The following CERS6 variants were observed in gnomAD, a reference collection of about 807,000 sequenced individuals.
CERS6 encodes LAG1 homolog, ceramide synthase 6.
A neutral mutation model predicts 56.8 loss-of-function variants in CERS6; 26 were observed. That is an observed-to-expected ratio of 0.46 (90% CI 0.34 to 0.63). The LOEUF is 0.63. Among genes scored for constraint, CERS6 ranks in the 30% least tolerant of loss-of-function variants. The pLI, the probability that CERS6 is intolerant of heterozygous loss-of-function variation, is 0.01. For synonymous variants in CERS6, 164 were observed against 173.3 expected, an observed-to-expected ratio of 0.95 and a Z score of 0.42; for missense variants, 415 against 467.5, an observed-to-expected ratio of 0.89 and a Z score of 1.04.
chr2:168,635,957 C>G (rs1684851530), intron 4 of CERS6, among the ~76,000 whole-genome samples: 1 of 151,938 alleles, frequency 6.6e-6, no homozygotes, highest in Admixed American at 6.5e-5. Flanking sequence ...TTTTTTTTGC[C>G]TATTTTGAGA....
chr2:168,497,788 G>A (rs1200594135), intron 1 of CERS6, among the ~76,000 whole-genome samples: 1 of 152,176 alleles, frequency 6.6e-6, no homozygotes, highest in Non-Finnish European at 1.5e-5. Flanking sequence ...GAGCAATTGA[G>A]TGACATGAGC....
At position 168,563,703 on chromosome 2, in the gene CERS6, A is replaced by G. The variant is rs370341517; in HGVS notation, c.407+2381A>G. ...TCCCAGCTACTCGGGAGGCTGAGGC[A>G]GGAGAATGGCATGAACCCGGGAGGT... On this transcript the variant is annotated intron_variant, in intron 3 of 9. Coordinates refer to ENST00000305747, the MANE Select transcript of CERS6 (RefSeq NM_203463.3). Among the ~76,000 whole-genome samples the G allele has an allele frequency of 3.3e-4, 50 of 152,322 alleles. 1 individual carries two copies. The highest frequency in any genetic ancestry group is 1.1e-3 in the African/African-American group (46 of 41,574).
intron 4 of CERS6, among the ~76,000 whole-genome samples, chr2:168,637,586 A>G (rs1684891300): frequency 6.6e-6 from 1 of 152,218 alleles, no homozygotes; most frequent in African/African-American, 2.4e-5. Flanking sequence ...ATATTCACTA[A>G]ATGTATATGA....
At chr2:168,700,514 A>T (rs1014466862) in intron 6 of CERS6, among the ~76,000 whole-genome samples, 1 of 152,196 alleles carries the variant, frequency 6.6e-6, no homozygotes, top group Non-Finnish European at 1.5e-5. Context: ...CATAAAAGAA[A>T]GGGAGAAAGG....
chr2:168,696,269 C>T (rs1013658457), intron 6 of CERS6, among the ~76,000 whole-genome samples: 1 of 152,130 alleles, frequency 6.6e-6, no homozygotes, highest in Non-Finnish European at 1.5e-5. Flanking sequence ...TGTTCTTCTC[C>T]AGTAACCCTT....
chr2:168,530,601 G>A (rs777282749), intron 1 of CERS6, among the ~76,000 whole-genome samples: 1 of 152,176 alleles, frequency 6.6e-6, no homozygotes, highest in East Asian at 1.9e-4. Context: ...TGAATTTTAT[G>A]AGCTTCATCC....
In CERS6 at chr2:168,734,601, T is replaced by C. The variant is rs1237836151; in HGVS notation, c.845+16623T>C. Reference sequence around the variant, plus strand: ...ACATCAGCATGGCTGTATTTGGCCATCTATCAGTAGTCAACGGTTAATCAG... The same window carrying C: ...ACATCAGCATGGCTGTATTTGGCCACCTATCAGTAGTCAACGGTTAATCAG... On this transcript the variant is annotated intron_variant, in intron 8 of 9. Transcript: ENST00000305747. Among the ~76,000 whole-genome samples the C allele has an allele frequency of 3.3e-5, 5 of 152,142 alleles. No individual in the cohort carries two copies. The East Asian group carries it at 7.7e-4, about 24-fold the overall frequency.
At chr2:168,717,556 G>T (rs957842323) in intron 7 of CERS6, among the ~76,000 whole-genome samples, 1 of 152,156 alleles carries the variant, frequency 6.6e-6, no homozygotes, top group African/African-American at 2.4e-5. Context: ...TATGATGCAA[G>T]AATCTCTTAT....
intron 1 of CERS6, among the ~76,000 whole-genome samples, chr2:168,534,636 A>G (rs114902707): frequency 0.011 from 1,704 of 152,072 alleles, 17 homozygotes; most frequent in African/African-American, 0.04. Flanking sequence ...AGGGGCACCA[A>G]CCTCAAGCCA....
intron 1 of CERS6, among the ~76,000 whole-genome samples, chr2:168,459,305 C>T (rs1378135745): frequency 6.6e-6 from 1 of 152,234 alleles, no homozygotes. Flanking sequence ...TTTCTCTCTA[C>T]TAAGAGAAAC....
intron 1 of CERS6, among the ~76,000 whole-genome samples, chr2:168,526,218 A>G (rs1427947787): frequency 6.6e-6 from 1 of 152,122 alleles, no homozygotes; most frequent in African/African-American, 2.4e-5. Context: ...GTTTTCTCCT[A>G]TTTGCTCCTT....
At chr2:168,733,141 A>T (rs1683599121) in intron 8 of CERS6, among the ~76,000 whole-genome samples, 1 of 152,230 alleles carries the variant, frequency 6.6e-6, no homozygotes, top group African/African-American at 2.4e-5. Flanking sequence ...GAACATGTTT[A>T]TCACATAAAT....
At chr2:168,690,962 C>T in intron 4 of CERS6, 72 bp from the exon 5 acceptor site, 1 of 1,338,686 alleles carries the variant, frequency 7.5e-7, no homozygotes, top group East Asian at 2.3e-5. Flanking sequence ...GGGCAAGAGC[C>T]TATTGTAAAC....
intron 3 of CERS6, among the ~76,000 whole-genome samples, chr2:168,585,685 G>A (rs187471360): frequency 1.0e-3 from 154 of 152,150 alleles, no homozygotes; most frequent in Non-Finnish European, 1.7e-3. Context: ...AGGGTTTGAG[G>A]AAAAAAGAAA....
intron 8 of CERS6, among the ~76,000 whole-genome samples, chr2:168,738,514 A>G (rs1487240464): frequency 1.3e-5 from 2 of 152,210 alleles, no homozygotes; most frequent in Non-Finnish European, 2.9e-5. Flanking sequence ...AACTTCAGAG[A>G]ATTTAAAACT....
At chr2:168,548,946 C>A (rs1162412812) in intron 2 of CERS6, among the ~76,000 whole-genome samples, 4 of 152,084 alleles carry the variant, frequency 2.6e-5, no homozygotes, top group Admixed American at 1.3e-4. Flanking sequence ...TCTGAAGGGA[C>A]ACATATCTTA....
At chr2:168,606,910 T>C (rs1393499627) in intron 3 of CERS6, among the ~76,000 whole-genome samples, 1 of 152,208 alleles carries the variant, frequency 6.6e-6, no homozygotes, top group African/African-American at 2.4e-5. Flanking sequence ...GCTCTGGCCA[T>C]GTAAGATGTG....
chr2:168,484,167 G>GTTTTTTTTTTTTTT, intron 1 of CERS6, among the ~76,000 whole-genome samples: 1 of 51,612 alleles, frequency 1.9e-5, no homozygotes, highest in Non-Finnish European at 3.7e-5. Context: ...TCTTTTTTCT[G>GTTTTTTTTTTTTTT]TTTTTTTTTT....
Position 168,535,536 on chromosome 2 carries a change from A to T in CERS6, c.171-12060A>T, listed in dbSNP as rs116061330. 2.1e-3 allele frequency among the ~76,000 whole-genome samples: 320 copies of T among 152,052 alleles called. 1 individual carries two copies. The highest frequency in any genetic ancestry group is 3.6e-3 in the Non-Finnish European group (243 of 67,988). On this transcript the variant is annotated intron_variant, in intron 1 of 9. Transcript: ENST00000305747. ...CATGCCAGCCTCCTAGTGAGTTCTG[A>T]TGAGAGAACGTGGATACCTTGGTTG... is the stretch of plus-strand genomic sequence containing the variant.
Sources: allele counts gnomAD v4.1 joint callset (sites outside exome capture counted in the v4.1 genomes callset), GRCh38; gene constraint gnomAD v4.1.1; transcripts MANE v1.5; gene names NCBI Gene and HGNC (gene_info 2026-07-23, HGNC 2026-07-21).